PRR16: variants seen among roughly 807,000 people sequenced by gnomAD.
The protein encoded by PRR16 is proline rich 16.
Under a neutral mutation model 18.2 loss-of-function variants are expected in PRR16, and 6 were observed. The observed-to-expected ratio is 0.33, with a 90% CI of 0.18 to 0.65. The LOEUF is 0.65. Among genes scored for constraint, PRR16 ranks in the 30% least tolerant of loss-of-function variants. The probability of loss-of-function intolerance (pLI) is 0.74; values close to 1 mark genes in which losing one functional copy is unlikely to be tolerated. For missense variants in PRR16, 412 were observed against 376.6 expected, an observed-to-expected ratio of 1.09 and a Z score of -0.78; for synonymous variants, 151 against 147.8, an observed-to-expected ratio of 1.02 and a Z score of -0.16.
chr5:120,550,348 C>T (rs1752215861), intron 1 of PRR16, among the ~76,000 whole-genome samples: 1 of 151,912 alleles, frequency 6.6e-6, no homozygotes, highest in Non-Finnish European at 1.5e-5. Flanking sequence ...TATGGAAAAG[C>T]CCAAAGAAGT....
intron 1 of PRR16, among the ~76,000 whole-genome samples, chr5:120,639,387 C>G (rs902710162): frequency 2.6e-5 from 4 of 151,942 alleles, no homozygotes; most frequent in Non-Finnish European, 5.9e-5. Flanking sequence ...AAATCATATT[C>G]TATTTTCTTT....
At chr5:120,730,923 A>G in the PRR16 span, among the ~76,000 whole-genome samples, 6 of 152,128 alleles carry the variant, frequency 3.9e-5, no homozygotes, top group East Asian at 1.2e-3. Flanking sequence ...GGACTCAATT[A>G]TCTTTACTTA....
At chr5:120,676,053 T>TTTTTTC (rs1285644343) in intron 1 of PRR16, among the ~76,000 whole-genome samples, 1 of 152,218 alleles carries the variant, frequency 6.6e-6, no homozygotes, top group East Asian at 1.9e-4. Context: ...TTTTTAAGTA[T>TTTTTTC]ATATCCTCCA....
At chr5:120,768,840 T>G in the PRR16 span, among the ~76,000 whole-genome samples, 1 of 151,776 alleles carries the variant, frequency 6.6e-6, no homozygotes, top group African/African-American at 2.4e-5. Context: ...AGACATTGCC[T>G]ACAGCTGTGG....
chr5:120,769,842 C>T, the PRR16 span, among the ~76,000 whole-genome samples: 5 of 151,850 alleles, frequency 3.3e-5, no homozygotes, highest in Non-Finnish European at 5.9e-5. Flanking sequence ...TACAAAGGTT[C>T]TAATTTTGTC....
intron 1 of PRR16, among the ~76,000 whole-genome samples, chr5:120,555,896 T>C (rs1379852854): frequency 1.3e-5 from 2 of 151,092 alleles, no homozygotes; most frequent in Non-Finnish European, 3.0e-5. Context: ...AAGACAGTCC[T>C]AACCATTGTC....
intron 1 of PRR16, among the ~76,000 whole-genome samples, chr5:120,644,945 T>C (rs2150127302): frequency 6.6e-6 from 1 of 152,260 alleles, no homozygotes; most frequent in Admixed American, 6.6e-5. Flanking sequence ...CTGCAACTAA[T>C]TCGTCTAAAG....
intron 1 of PRR16, among the ~76,000 whole-genome samples, chr5:120,597,452 A>G (rs535270113): frequency 2.6e-5 from 4 of 151,856 alleles, no homozygotes; most frequent in Non-Finnish European, 3.0e-5. Flanking sequence ...AAATACTAAA[A>G]TTCTGACATT....
chr5:120,560,620 T>C (rs1301793907), intron 1 of PRR16, among the ~76,000 whole-genome samples: 1 of 152,108 alleles, frequency 6.6e-6, no homozygotes, highest in African/African-American at 2.4e-5. Flanking sequence ...CTTTTTCTGG[T>C]TTTGGTATCA....
At position 120,571,466 on chromosome 5, in the gene PRR16, C is replaced by A. The variant is rs138010494; in HGVS notation, c.159+106821C>A. ...TCAGAACATTAGAGGAGGTTCAGATCATGTAGGGCTATCAAAGCTGTTGTG... is the reference window on the plus strand; with the variant it reads ...TCAGAACATTAGAGGAGGTTCAGATAATGTAGGGCTATCAAAGCTGTTGTG... On this transcript the variant is annotated intron_variant, in intron 1 of 1. Transcript: ENST00000407149. Among the ~76,000 whole-genome samples the A allele has an allele frequency of 2.2e-3, 341 of 152,190 alleles. 4 individuals carry two copies. Among genetic ancestry groups the A allele is most frequent in the Admixed American group, 0.014 (220 of 15,276 alleles).
intron 1 of PRR16, among the ~76,000 whole-genome samples, chr5:120,536,916 A>G (rs1011836300): frequency 1.3e-5 from 2 of 151,772 alleles, no homozygotes; most frequent in African/African-American, 4.8e-5. Flanking sequence ...GCTGGAGGCT[A>G]CTATCCTTAG....
At chr5:120,492,379 C>T (rs1343039242) in intron 1 of PRR16, among the ~76,000 whole-genome samples, 3 of 151,656 alleles carry the variant, frequency 2.0e-5, no homozygotes, top group African/African-American at 7.3e-5. Flanking sequence ...CCTTAGCCTT[C>T]CAAAATGCTG....
At chr5:120,488,542 CTTCT>C (rs1175513801) in intron 1 of PRR16, among the ~76,000 whole-genome samples, 2 of 152,028 alleles carry the variant, frequency 1.3e-5, no homozygotes, top group African/African-American at 4.8e-5. Context: ...TCTCTCTTTT[CTTCT>C]TTATTAGCCT....
In PRR16 at chr5:120,498,452, C is replaced by A. The variant is rs190626552; in HGVS notation, c.159+33807C>A. Reference sequence around the variant, plus strand: ...GAAACCTTAAAACTCCTTTTACTTCCCTTTACTTTCTTTCATTTATATTAT... The same window carrying A: ...GAAACCTTAAAACTCCTTTTACTTCACTTTACTTTCTTTCATTTATATTAT... On this transcript the variant is annotated intron_variant, in intron 1 of 1. Coordinates refer to ENST00000407149, the MANE Select transcript of PRR16 (RefSeq NM_001300783.2). Among the ~76,000 whole-genome samples the A allele has an allele frequency of 4.3e-3, 643 of 150,912 alleles. 3 individuals are homozygous for A. Among genetic ancestry groups the A allele is most frequent in the Admixed American group, 8.5e-3 (129 of 15,166 alleles).
At chr5:120,778,009 C>T in the PRR16 span, among the ~76,000 whole-genome samples, 454 of 151,970 alleles carry the variant, frequency 3.0e-3, 3 homozygotes, top group African/African-American at 0.01. Context: ...AGTGGCACTT[C>T]GATAGTGTAG....
chr5:120,776,916 G>T, the PRR16 span, among the ~76,000 whole-genome samples: 2 of 152,098 alleles, frequency 1.3e-5, no homozygotes, highest in Non-Finnish European at 2.9e-5. Context: ...GAATGTAGGG[G>T]TTTACAGGCT....
Position 120,464,788 on chromosome 5 carries a change from C to A in PRR16, c.159+143C>A, listed in dbSNP as rs1018294096. On this transcript the variant is annotated intron_variant, in intron 1 of 1. Coordinates refer to ENST00000407149, the MANE Select transcript of PRR16 (RefSeq NM_001300783.2). The stretch of plus-strand genomic sequence containing the variant: ...CGCCTGCAGACGGACTTTCTTTGCT[C>A]CTGGAGTCCTGAGAGGAGTTGTTGT... The A allele has an allele frequency of 1.0e-5, 9 of 862,058 alleles. No homozygotes were observed. In the African/African-American group the frequency reaches 1.5e-4, roughly 15 times the overall value. The allele number at this position is 862,058 out of a possible 1,614,324, so 53.4% of individuals were successfully genotyped here. A position where few individuals can be genotyped will look rare whatever the true frequency, so the allele number is the denominator to read the frequency against.
At chr5:120,739,713 T>C in the PRR16 span, among the ~76,000 whole-genome samples, 1 of 152,136 alleles carries the variant, frequency 6.6e-6, no homozygotes, top group African/African-American at 2.4e-5. Flanking sequence ...TTGCTTCTTC[T>C]CTCATTAGGA....
intron 1 of PRR16, among the ~76,000 whole-genome samples, chr5:120,631,511 G>A (rs116019814): frequency 3.0e-4 from 46 of 152,140 alleles, no homozygotes; most frequent in Non-Finnish European, 2.2e-4. Context: ...GGGACTGGAT[G>A]TTAGGACTGC....
Sources: allele counts gnomAD v4.1 joint callset (sites outside exome capture counted in the v4.1 genomes callset), GRCh38; gene constraint gnomAD v4.1.1; transcripts MANE v1.5; gene names NCBI Gene and HGNC (gene_info 2026-07-23, HGNC 2026-07-21).